Variants in ARMH3 observed in about 807,000 individuals in gnomAD.
The protein encoded by ARMH3 is armadillo-like helical domain-containing protein 3.
Under a neutral mutation model 99.1 loss-of-function variants are expected in ARMH3, and 60 were observed. That is an observed-to-expected ratio of 0.61 (90% CI 0.49 to 0.75). ARMH3 has a LOEUF of 0.75. ARMH3 is among the 30% of genes least tolerant of loss of function. The pLI, the probability that ARMH3 is intolerant of heterozygous loss-of-function variation, is 0.00. For missense variants in ARMH3, 679 were observed against 843.1 expected (o/e 0.81, Z 2.41); for synonymous variants, 285 against 292.8 (o/e 0.97, Z 0.27).
chr10:101,944,273 T>TATATATATAGAG (rs1844401380), intron 22 of ARMH3, among the ~76,000 whole-genome samples: 4 of 25,406 alleles, frequency 1.6e-4, no homozygotes, highest in Non-Finnish European at 1.3e-4. Flanking sequence ...TATATATATA[T>TATATATATAGAG]AGAGAGAGAG....
Position 102,018,951 on chromosome 10 carries a change from C to T in ARMH3, c.669+4526G>A, listed in dbSNP as rs980052327. Among the ~76,000 whole-genome samples the T allele has an allele frequency of 6.0e-5, 9 of 150,928 alleles. 1 individual carries two copies. The highest frequency in any genetic ancestry group is 5.9e-4 in the Admixed American group (9 of 15,212). On this transcript the variant is annotated intron_variant, in intron 8 of 25. Coordinates refer to ENST00000370033, the MANE Select transcript of ARMH3 (RefSeq NM_024541.3). ...CATCCTGGGCAACGGAGTGAGACTC[C>T]GTCTCAAAAAAAAAAGTATAACACA...
intron 23 of ARMH3, 97 bp downstream of exon 23, chr10:101,939,766 A>G: frequency 9.7e-7 from 1 of 1,032,494 alleles, no homozygotes; most frequent in Admixed American, 2.0e-5. Context: ...ATCAAGGCTT[A>G]AAATAGTAGT....
chr10:102,040,521 C>T (rs1279102080), intron 1 of ARMH3, among the ~76,000 whole-genome samples: 2 of 152,174 alleles, frequency 1.3e-5, no homozygotes, highest in African/African-American at 4.8e-5. Context: ...AATGAGACAA[C>T]GTTTAGGAAG....
At chr10:101,915,369 T>G (rs893501769) in intron 23 of ARMH3, among the ~76,000 whole-genome samples, 5 of 152,192 alleles carry the variant, frequency 3.3e-5, no homozygotes, top group African/African-American at 1.2e-4. Flanking sequence ...GACAAAATGA[T>G]GGCTACACAT....
chr10:101,904,250 C>T (rs779026438), intron 23 of ARMH3, among the ~76,000 whole-genome samples: 1 of 152,158 alleles, frequency 6.6e-6, no homozygotes, highest in African/African-American at 2.4e-5. Context: ...TTTAATGCCA[C>T]GAAGAGCCTG....
At chr10:102,051,457 A>G (rs1166814837) in intron 1 of ARMH3, among the ~76,000 whole-genome samples, 1 of 151,308 alleles carries the variant, frequency 6.6e-6, no homozygotes, top group African/African-American at 2.4e-5. Flanking sequence ...TGGGCAACAG[A>G]GGGAGACTCC....
intron 23 of ARMH3, among the ~76,000 whole-genome samples, chr10:101,921,473 C>T (rs943677134): frequency 2.0e-5 from 3 of 152,054 alleles, no homozygotes; most frequent in South Asian, 2.1e-4. Context: ...TTTAGAATAC[C>T]GCTACTGGGT....
chr10:101,928,996 G>A (rs982654622), intron 23 of ARMH3, among the ~76,000 whole-genome samples: 11 of 152,116 alleles, frequency 7.2e-5, no homozygotes, highest in African/African-American at 2.4e-4. Flanking sequence ...CTCCCAAAGT[G>A]CTGGGATTAT....
chr10:101,939,522 CA>C (rs1237013567), intron 23 of ARMH3, among the ~76,000 whole-genome samples: 1 of 152,202 alleles, frequency 6.6e-6, no homozygotes, highest in Non-Finnish European at 1.5e-5. Flanking sequence ...ATGAATCATT[CA>C]CTGAAGTCAT....
chr10:102,004,086 G>C (rs1444510344), intron 14 of ARMH3, among the ~76,000 whole-genome samples: 1 of 152,136 alleles, frequency 6.6e-6, no homozygotes, highest in African/African-American at 2.4e-5. Flanking sequence ...AAATATAGAA[G>C]TATATGTATT....
intron 5 of ARMH3, among the ~76,000 whole-genome samples, chr10:102,027,104 C>A (rs1472003022): frequency 6.6e-6 from 1 of 152,044 alleles, no homozygotes; most frequent in Non-Finnish European, 1.5e-5. Flanking sequence ...CAGGGTGAAA[C>A]CCTGTCTCTA....
intron 14 of ARMH3, among the ~76,000 whole-genome samples, chr10:102,004,983 T>A (rs2066450136): frequency 6.6e-6 from 1 of 151,910 alleles, no homozygotes; most frequent in South Asian, 2.1e-4. Flanking sequence ...GGCAGGCGGA[T>A]CACGAGGTCA....
intron 23 of ARMH3, among the ~76,000 whole-genome samples, chr10:101,932,882 T>C (rs1199266638): frequency 1.3e-5 from 2 of 152,182 alleles, no homozygotes; most frequent in Non-Finnish European, 2.9e-5. Flanking sequence ...CATTAAACTG[T>C]ACACTTAAAA....
intron 15 of ARMH3, 26 bp downstream of exon 15, chr10:102,001,945 G>C (rs369783543): frequency 3.2e-5 from 51 of 1,605,312 alleles, no homozygotes; most frequent in Non-Finnish European, 4.2e-5. Flanking sequence ...TTGACTTCCT[G>C]AGCCCCCAAA....
At chr10:101,948,174 G>A (rs898324868) in intron 22 of ARMH3, among the ~76,000 whole-genome samples, 3 of 151,986 alleles carry the variant, frequency 2.0e-5, no homozygotes, top group Non-Finnish European at 2.9e-5. Context: ...TAATAAACAC[G>A]ACCCAACTGT....
chr10:102,023,351 T>C, intron 8 of ARMH3, 126 bp downstream of exon 8: 1 of 832,796 alleles, frequency 1.2e-6, no homozygotes. Flanking sequence ...AGAATCTGGA[T>C]TATCAAAATT....
intron 23 of ARMH3, chr10:101,913,386 G>C (rs549471291): frequency 2.7e-4 from 22 of 80,676 alleles, no homozygotes; most frequent in South Asian, 1.3e-3. Context: ...TTTTTTTTGA[G>C]ACAGGGTCTC....
intron 22 of ARMH3, among the ~76,000 whole-genome samples, chr10:101,942,990 G>A (rs1844312541): frequency 6.6e-6 from 1 of 152,058 alleles, no homozygotes; most frequent in African/African-American, 2.4e-5. Context: ...TGGAAAACAA[G>A]CAGCATAGAA....
At chr10:101,878,572 G>A (rs2067327267) in intron 24 of ARMH3, among the ~76,000 whole-genome samples, 1 of 151,794 alleles carries the variant, frequency 6.6e-6, no homozygotes. Flanking sequence ...CCAGGAGCTC[G>A]AGGTTGCAGT....
Sources: gnomAD v4.1 joint callset for allele counts (sites outside exome capture counted in the v4.1 genomes callset) on GRCh38, gnomAD v4.1.1 for gene constraint, MANE v1.5 for transcripts, NCBI Gene and HGNC (gene_info 2026-07-23, HGNC 2026-07-21) for gene names.